PROSER2: variants seen among roughly 807,000 people sequenced by gnomAD.
The protein encoded by PROSER2 is proline and serine rich 2, also known as proline and serine-rich protein 2.
In PROSER2, 18 loss-of-function variants were observed where a neutral mutation model predicts 14.6. The observed-to-expected ratio is 1.23, with a 90% CI of 0.85 to 1.83. The LOEUF is 1.83. PROSER2 is among the 40% of genes most tolerant of loss of function. PROSER2 has a pLI of 0.00. For missense variants in PROSER2, 823 were observed against 629.8 expected, an observed-to-expected ratio of 1.31 and a Z score of -3.28; for synonymous variants, 367 against 286.4, an observed-to-expected ratio of 1.28 and a Z score of -2.84.
At chr10:11,840,167 G>T (rs1176057585) in intron 1 of PROSER2, among the ~76,000 whole-genome samples, 2 of 151,422 alleles carry the variant, frequency 1.3e-5, no homozygotes, top group Admixed American at 6.6e-5. Context: ...TTGCTGGGCT[G>T]GTTTCAAAAG....
intron 1 of PROSER2, among the ~76,000 whole-genome samples, chr10:11,847,440 C>T (rs1019734389): frequency 1.4e-4 from 21 of 152,076 alleles, no homozygotes; most frequent in Non-Finnish European, 2.2e-4. Flanking sequence ...TGTTTTGAGA[C>T]GGAGTCTCGC....
chr10:11,845,951 C>T (rs925537091), intron 1 of PROSER2, among the ~76,000 whole-genome samples: 2 of 152,178 alleles, frequency 1.3e-5, no homozygotes, highest in African/African-American at 4.8e-5. Flanking sequence ...GCCATTGTCT[C>T]CTTAAACATT....
intron 1 of PROSER2, among the ~76,000 whole-genome samples, chr10:11,827,755 T>C (rs1298586323): frequency 1.3e-5 from 2 of 151,216 alleles, no homozygotes; most frequent in African/African-American, 4.9e-5. Context: ...CACAGCTCAC[T>C]GCAGCCTCGA....
intron 2 of PROSER2, among the ~76,000 whole-genome samples, chr10:11,863,949 G>A (rs1203001476): frequency 6.6e-6 from 1 of 152,076 alleles, no homozygotes; most frequent in Non-Finnish European, 1.5e-5. Context: ...GAGCGCACAG[G>A]TGGCTTCCTG....
chr10:11,836,396 C>T lies in PROSER2; in HGVS notation c.-82+12926C>T, dbSNP rs538321185. On this transcript the variant is annotated intron_variant, in intron 1 of 3. Coordinates refer to ENST00000277570, the MANE Select transcript of PROSER2 (RefSeq NM_153256.4). The surrounding 1 kb of genome is among the most constrained non-coding windows in gnomAD (Gnocchi z 4.6). ...ATTTTTGGTAGAGATGGGGTTTCAC[C>T]ATGTTAGCCAGGCTGGTCTCGATCT... Among the ~76,000 whole-genome samples the T allele has an allele frequency of 5.9e-5, 9 of 152,012 alleles. No homozygotes were observed. Among genetic ancestry groups the T allele is most frequent in the African/African-American group, 2.2e-4 (9 of 41,376 alleles).
At chr10:11,844,368 A>T (rs1235523257) in intron 1 of PROSER2, among the ~76,000 whole-genome samples, 1 of 152,174 alleles carries the variant, frequency 6.6e-6, no homozygotes, top group Non-Finnish European at 1.5e-5. Context: ...AAAGGTAATT[A>T]TATTTCTAAA....
rs1588503769 is a variant in PROSER2, at chr10:11,870,509, C to T, written c.*103C>T. ...GTTTGGTCTAAAATGGAAGTGACAG[C>T]GGGAGCCCCTGCCCTCTGTGGCACA... On this transcript the variant is annotated 3_prime_UTR_variant, in exon 4 of 4. Coordinates refer to ENST00000277570, the MANE Select transcript of PROSER2 (RefSeq NM_153256.4). The T allele has an allele frequency of 2.9e-6, 3 of 1,024,626 alleles. No individual in the cohort carries two copies. Among genetic ancestry groups the T allele is most frequent in the Non-Finnish European group, 4.0e-6 (3 of 747,304 alleles). The allele number at this position is 1,024,626 out of a possible 1,614,324, so 63.5% of individuals were successfully genotyped here.
chr10:11,857,299 A>T (rs963277981), intron 2 of PROSER2: 1 of 152,248 alleles, frequency 6.6e-6, no homozygotes, highest in Non-Finnish European at 1.5e-5. Context: ...CCAGGAGCCC[A>T]GCCGTCATCT....
intron 3 of PROSER2, among the ~76,000 whole-genome samples, chr10:11,868,103 A>T (rs911215165): frequency 1.3e-5 from 2 of 152,182 alleles, no homozygotes; most frequent in Non-Finnish European, 2.9e-5. Flanking sequence ...CAAAGAGGAG[A>T]AGTAATGTAC....
At position 11,869,533 on chromosome 10, in the gene PROSER2, G is replaced by A; in HGVS notation, c.435G>A (p.Glu145=). Residue 145 remains glutamate, a synonymous_variant, in exon 4 of 4, where the codon GAG becomes GAA. Coordinates refer to ENST00000277570, the MANE Select transcript of PROSER2 (RefSeq NM_153256.4). The surrounding 1 kb of genome is among the most constrained non-coding windows in gnomAD (Gnocchi z 4.4). The stretch of plus-strand genomic sequence containing the variant: ...AGGAGCACAGGAAACAAGATGCTGA[G>A]ACTCCTCCACCTCCAGACCCCCCGG... ...AGKEHRKQDA[E]TPPPPDPPAP... is the part of the protein sequence containing the mutation. The A allele has an allele frequency of 1.2e-6, 2 of 1,613,826 alleles. No homozygotes were observed. The highest frequency in any genetic ancestry group is 1.3e-5 in the African/African-American group (1 of 74,970).
intron 2 of PROSER2, among the ~76,000 whole-genome samples, chr10:11,863,543 CAA>C (rs796501996): frequency 1.5e-4 from 19 of 125,688 alleles, no homozygotes; most frequent in Admixed American, 5.6e-4. Flanking sequence ...ATCCCCCCCA[CAA>C]AAAAAAAAAA....
At chr10:11,840,989 T>TATGA (rs1554766389) in intron 1 of PROSER2, among the ~76,000 whole-genome samples, 7 of 112,442 alleles carry the variant, frequency 6.2e-5, no homozygotes, top group African/African-American at 2.6e-4. Flanking sequence ...TATATATATA[T>TATGA]ATGATGGTGG....
intron 2 of PROSER2, among the ~76,000 whole-genome samples, chr10:11,852,811 C>CAT (rs1834051385): frequency 6.6e-6 from 1 of 151,532 alleles, no homozygotes; most frequent in Admixed American, 6.6e-5. Flanking sequence ...CGTGAGCCAC[C>CAT]GCGCCAGGCC....
At chr10:11,840,141 T>C (rs551658426) in intron 1 of PROSER2, among the ~76,000 whole-genome samples, 2 of 151,650 alleles carry the variant, frequency 1.3e-5, no homozygotes, top group South Asian at 2.1e-4. Flanking sequence ...TTAGTAGAAA[T>C]GGGGTTTCGC....
At chr10:11,849,019 T>A (rs950430912) in intron 1 of PROSER2, among the ~76,000 whole-genome samples, 1 of 152,054 alleles carries the variant, frequency 6.6e-6, no homozygotes, top group African/African-American at 2.4e-5. Context: ...AAACCCCGTC[T>A]ATACTAAAAA....
chr10:11,864,392 A>G (rs1834303140), intron 2 of PROSER2, among the ~76,000 whole-genome samples: 1 of 152,080 alleles, frequency 6.6e-6, no homozygotes, highest in African/African-American at 2.4e-5. Context: ...TAGATTCACC[A>G]ATTTTTAAAT....
In PROSER2 at chr10:11,866,778, C is replaced by T; in HGVS notation, c.386C>T (p.Ala129Val). 6.2e-7 allele frequency: 1 copy of T among 1,610,368 alleles called. No homozygotes were observed. The highest frequency in any genetic ancestry group is 8.5e-7 in the Non-Finnish European group (1 of 1,179,406). ...GAGGGCCTTCCAGAGGGGACCCAGG[C>T]AGCAGGTGAGGGGGAAGACAGGCCA... ...EAEGLPEGTQ[A>V]AGPAPAGKEH... The change falls in exon 3 of 4, where the codon GCA (alanine) becomes GTA (valine). Residue 129 changes from alanine (A) to valine (V), a missense_variant. Ala to Val is a moderately conservative substitution (Grantham distance 64). Coordinates refer to ENST00000277570, the MANE Select transcript of PROSER2 (RefSeq NM_153256.4). The surrounding 1 kb of genome is among the most constrained non-coding windows in gnomAD (Gnocchi z 6.0).
rs541938628 is a variant in PROSER2 at position 11,870,230 on chromosome 10, C to G, written c.1132C>G (p.Arg378Gly). Reference sequence around the variant, plus strand: ...CCCTGGCCCGGCCCTGCCCAGCACGCGGGCCCGTCAGAGCTTCCCCGGGCC... The same window carrying G: ...CCCTGGCCCGGCCCTGCCCAGCACGGGGGCCCGTCAGAGCTTCCCCGGGCC... ...FRPGPALPST[R>G]ARQSFPGPRQ... Residue 378 changes from arginine (R) to glycine (G), a missense_variant, in exon 4 of 4, where the codon CGG becomes GGG. Physicochemically the swap from Arg to Gly is moderately radical, Grantham distance 125 (BLOSUM62 -2). Transcript: ENST00000277570. 3 of 1,489,484 alleles carry G rather than the reference C, an allele frequency of 2.0e-6. No individual in the cohort carries two copies. Among genetic ancestry groups the G allele is most frequent in the Non-Finnish European group, 2.7e-6 (3 of 1,127,390 alleles). The allele number at this position is 1,489,484 out of a possible 1,614,324, so 92.3% of individuals were successfully genotyped here.
At chr10:11,825,671 T>C (rs1564299246) in intron 1 of PROSER2, among the ~76,000 whole-genome samples, 1 of 152,210 alleles carries the variant, frequency 6.6e-6, no homozygotes, top group Non-Finnish European at 1.5e-5. Flanking sequence ...GCAGCATTCA[T>C]CTTGAAACCT....
Sources: allele counts gnomAD v4.1 joint callset (sites outside exome capture counted in the v4.1 genomes callset), GRCh38; gene constraint gnomAD v4.1.1; non-coding constraint Gnocchi (gnomAD v3.1); transcripts MANE v1.5; gene names NCBI Gene and HGNC (gene_info 2026-07-23, HGNC 2026-07-21).